The following MUC5B variants were observed in gnomAD, a reference collection of about 807,000 sequenced individuals.
MUC5B encodes the protein mucin-5B.
A neutral mutation model predicts 376.9 loss-of-function variants in MUC5B; 116 were observed. The observed-to-expected ratio is 0.31, with a 90% CI of 0.26 to 0.36. The LOEUF is 0.36. MUC5B is among the 10% of genes least tolerant of loss of function. The pLI is 1.00. For synonymous variants in MUC5B, 3,517 were observed against 3,390.9 expected (o/e 1.04, Z -1.29); for missense variants, 7,165 against 7,769.9 (o/e 0.92, Z 2.93).
chr11:1,260,787 C>T (rs894468991), intron 48 of MUC5B, 59 bp downstream of exon 48: 3 of 1,316,044 alleles, frequency 2.3e-6, no homozygotes, highest in African/African-American at 2.9e-5. Flanking sequence ...CCGCCCTGGC[C>T]CGTCAGCTGG....
intron 8 of MUC5B, 51 bp from the exon 9 acceptor site, chr11:1,229,119 C>T (rs1008490710): frequency 7.4e-6 from 11 of 1,488,956 alleles, no homozygotes; most frequent in South Asian, 2.6e-5. Flanking sequence ...GCTGACCACA[C>T]GGGCAGTACA....
rs749669057 is a variant in MUC5B at position 1,250,961 on chromosome 11, C to T, written c.14081C>T (p.Thr4694Ile). Residue 4694 changes from threonine (T) to isoleucine (I), a missense_variant, in exon 31 of 49, where the codon ACC (threonine) becomes ATC (isoleucine). Around this residue, in one of 31 missense-constraint regions of MUC5B, gnomAD observed 730 missense variants for 592.7 expected, o/e 1.23. Transcript: ENST00000529681. ...ACGATCACGGCCACCGGCTCCACCA[C>T]CAACCCCTCCTCAACTCCAGGGACA... The part of the protein sequence containing the change: ...ATTITATGST[T>I]NPSSTPGTTP... 6.2e-7 allele frequency: 1 copy of T among 1,610,912 alleles called. No homozygotes were observed. Among genetic ancestry groups the T allele is most frequent in the East Asian group, 2.2e-5 (1 of 44,830 alleles).
intron 6 of MUC5B, 38 bp from the exon 7 acceptor site, chr11:1,227,637 C>T (rs1177529182): frequency 9.9e-6 from 7 of 710,500 alleles, no homozygotes; most frequent in African/African-American, 1.8e-5. Context: ...CCCCAGGAGC[C>T]CCTCAGAGCC....
chr11:1,261,818 A>T lies in MUC5B; in HGVS notation c.*210A>T. ...CCCTTTCGGGAGGGCGCCACTCAGG[A>T]GTCCTACCCTGGGAGAGCCTGTGGC... is the stretch of plus-strand genomic sequence containing the variant. On this transcript the variant is annotated 3_prime_UTR_variant, in exon 49 of 49. Transcript: ENST00000529681. 1.4e-6 allele frequency: 1 copy of T among 701,332 alleles called. No individual in the cohort carries two copies. Among genetic ancestry groups the T allele is most frequent in the Non-Finnish European group, 2.6e-6 (1 of 385,724 alleles). The allele number at this position is 701,332 out of a possible 1,614,324, so 43.4% of individuals were successfully genotyped here.
chr11:1,232,323 C>G, intron 15 of MUC5B, 127 bp from the exon 16 acceptor site: 1 of 1,352,040 alleles, frequency 7.4e-7, no homozygotes, highest in Non-Finnish European at 1.0e-6. Flanking sequence ...CAGAACCCCC[C>G]AAGGCGCAGC....
chr11:1,258,068 C>A lies in MUC5B; in HGVS notation c.16451-31C>A. ...AGTGGTCGGGAGGAGGAGTGAGCAG[C>A]GCCCAGACAGTGGCCTCCATCCTCC... On this transcript the variant is annotated intron_variant, in intron 41 of 48. Coordinates refer to ENST00000529681, the MANE Select transcript of MUC5B (RefSeq NM_002458.3). The surrounding 1 kb of genome is among the most constrained non-coding windows in gnomAD (Gnocchi z 5.5). 3 of 1,537,788 alleles carry A rather than the reference C, an allele frequency of 2.0e-6. No individual in the cohort carries two copies. The highest frequency in any genetic ancestry group is 1.8e-6 in the Non-Finnish European group (2 of 1,135,398).
chr11:1,236,374 C>T lies in MUC5B; in HGVS notation c.2881-12C>T, dbSNP rs773897948. The T allele has an allele frequency of 1.9e-6, 3 of 1,596,246 alleles. No individual in the cohort carries two copies. Among genetic ancestry groups the T allele is most frequent in the South Asian group, 1.1e-5 (1 of 89,950 alleles). On this transcript the variant is annotated splice_polypyrimidine_tract_variant and intron_variant, in intron 23 of 48. Coordinates refer to ENST00000529681, the MANE Select transcript of MUC5B (RefSeq NM_002458.3). ...CAGGGTCGGCTTCCGGCAGCGTCTG[C>T]CTCCCCTGCAGAGCTACGAGCTGAT...
chr11:1,260,508 A>C (rs1270896042), intron 47 of MUC5B, 115 bp downstream of exon 47: 1 of 1,472,558 alleles, frequency 6.8e-7, no homozygotes, highest in Non-Finnish European at 9.4e-7. Flanking sequence ...TCCAGACTCC[A>C]CCCTCGGTCC....
chr11:1,236,573 GC>G lies in MUC5B; in HGVS notation c.3057+13del. The G allele has an allele frequency of 6.2e-7, 1 of 1,611,444 alleles. No homozygotes were observed. The highest frequency in any genetic ancestry group is 8.5e-7 in the Non-Finnish European group (1 of 1,179,224). On this transcript the variant is annotated intron_variant, in intron 24 of 48. Transcript: ENST00000529681. ...CACCAGGACTACAAGGTGAGCTCGG[GC>G]CGTGCACTCCTAGGCCCTGCAGGAC...
In MUC5B at chr11:1,252,945, C is replaced by A; in HGVS notation, c.15182C>A (p.Pro5061Gln). The change falls in exon 33 of 49, where the codon CCG (proline) becomes CAG (glutamine). Residue 5061 changes from proline to glutamine, a missense_variant. Physicochemically the swap from Pro to Gln is moderately conservative, Grantham distance 76. This residue lies in a region of MUC5B where 842 missense variants were observed against 1,016.9 expected (regional missense o/e 0.83). Transcript: ENST00000529681. ...NKHLPIKVSD[P>Q]SQPCDFHYEC... ...CACCTGCCCATCAAAGTGTCGGACC[C>A]GAGCCAGCCCTGTGACTTCCACTAT... The A allele has an allele frequency of 6.2e-7, 1 of 1,612,654 alleles. No individual in the cohort carries two copies. The highest frequency in any genetic ancestry group is 8.5e-7 in the Non-Finnish European group (1 of 1,179,858).
intron 18 of MUC5B, 148 bp from the exon 19 acceptor site, chr11:1,233,645 C>T (rs1862085592): frequency 3.9e-6 from 3 of 766,452 alleles, no homozygotes; most frequent in Non-Finnish European, 6.5e-6. Flanking sequence ...TGGGGGCTCC[C>T]AGCAAACACA....
In MUC5B at chr11:1,253,493, G is replaced by A. The variant is rs143540824; in HGVS notation, c.15217+513G>A. On this transcript the variant is annotated intron_variant, in intron 33 of 48. Coordinates refer to ENST00000529681, the MANE Select transcript of MUC5B (RefSeq NM_002458.3). This position sits in a 1 kb window ranked among gnomAD's most constrained non-coding sequence, Gnocchi z 4.3. ...GGACCCACCGCTAAGAGGTCACGGCGTTCTCACTCCTCCCCATGTCCTTGG... is the reference window on the plus strand; with the variant it reads ...GGACCCACCGCTAAGAGGTCACGGCATTCTCACTCCTCCCCATGTCCTTGG... Among the ~76,000 whole-genome samples the A allele has an allele frequency of 1.7e-3, 262 of 152,246 alleles. 2 individuals carry two copies. Among genetic ancestry groups the A allele is most frequent in the African/African-American group, 5.1e-3 (213 of 41,536 alleles).
chr11:1,258,248 G>T lies in MUC5B; in HGVS notation c.16555+45G>T. 2.5e-6 allele frequency: 4 copies of T among 1,576,336 alleles called. No homozygotes were observed. Among genetic ancestry groups the T allele is most frequent in the Non-Finnish European group, 3.4e-6 (4 of 1,161,062 alleles). On this transcript the variant is annotated intron_variant, in intron 42 of 48. Transcript: ENST00000529681. The surrounding 1 kb of genome is among the most constrained non-coding windows in gnomAD (Gnocchi z 5.5). The stretch of plus-strand genomic sequence containing the variant: ...GGCTCCTGGGTGGCCTCTTGCTGGG[G>T]GTGGGGGAGTGCAGGATGGTGGGGG...
rs766295230 is a variant in MUC5B at position 1,242,693 on chromosome 11, T to G, written c.5813T>G (p.Val1938Gly). ...CTGAGAACAGCTCCCCCTCCCAAAGTGCTGACCACCACGGCCACCACACCC... is the reference window on the plus strand; with the variant it reads ...CTGAGAACAGCTCCCCCTCCCAAAGGGCTGACCACCACGGCCACCACACCC... The part of the protein sequence containing the change: ...STLRTAPPPK[V>G]LTTTATTPTV... Residue 1938 changes from valine (V) to glycine (G), a missense_variant, in exon 31 of 49, where the codon GTG becomes GGG. Around this residue, in one of 31 missense-constraint regions of MUC5B, gnomAD observed 897 missense variants for 779.6 expected, o/e 1.15. Transcript: ENST00000529681. The G allele has an allele frequency of 2.5e-6, 4 of 1,613,124 alleles. No homozygotes were observed. In the African/African-American group the frequency reaches 4.0e-5, roughly 16 times the overall value.
In MUC5B at chr11:1,246,487, C is replaced by T. The variant is rs776012258; in HGVS notation, c.9607C>T (p.Pro3203Ser). The T allele has an allele frequency of 1.9e-6, 3 of 1,613,240 alleles. No individual in the cohort carries two copies. The Admixed American group carries it at 5.0e-5, about 27-fold the overall frequency. Reference protein sequence around the residue: ...LKVLTSTATTPTVISSRATPS... With the variant: ...LKVLTSTATTSTVISSRATPS... ...AGTGCTGACCAGCACGGCCACCACA[C>T]CCACAGTCATCAGCTCCAGAGCCAC... Residue 3203 changes from proline (P) to serine (S), a missense_variant, in exon 31 of 49, where the codon CCC becomes TCC. This residue lies in a region of MUC5B where 939 missense variants were observed against 770.6 expected (regional missense o/e 1.22). Transcript: ENST00000529681.
intron 12 of MUC5B, 150 bp downstream of exon 12, chr11:1,230,750 TC>T (rs1479803941): frequency 4.7e-6 from 3 of 633,062 alleles, no homozygotes; most frequent in Non-Finnish European, 7.0e-6. Context: ...CCAGGTCAGG[TC>T]CCCCCTCCAG....
At position 1,260,011 on chromosome 11, in the gene MUC5B, C is replaced by G; in HGVS notation, c.16849C>G (p.Leu5617Val). The G allele has an allele frequency of 6.2e-7, 1 of 1,612,930 alleles. No homozygotes were observed. The highest frequency in any genetic ancestry group is 1.7e-4 in the Middle Eastern group (1 of 6,058). Residue 5617 changes from leucine (L) to valine (V), a missense_variant, in exon 46 of 49, where the codon CTC becomes GTC. Around this residue, in one of 31 missense-constraint regions of MUC5B, gnomAD observed 842 missense variants for 1,016.9 expected, o/e 0.83. Coordinates refer to ENST00000529681, the MANE Select transcript of MUC5B (RefSeq NM_002458.3). ...NSHVDNCTVYLCEAEGGVHLL... is the reference protein window; with the variant it reads ...NSHVDNCTVYVCEAEGGVHLL... ...CCATGTGGACAACTGCACCGTGTACCTCTGTGAGGCTGAGGGTGGAGTCCA... is the reference window on the plus strand; with the variant it reads ...CCATGTGGACAACTGCACCGTGTACGTCTGTGAGGCTGAGGGTGGAGTCCA...
In MUC5B at chr11:1,251,588, C is replaced by G. The variant is rs894179187; in HGVS notation, c.14708C>G (p.Thr4903Ser). Reference sequence around the variant, plus strand: ...CCCAGCTCGTCCACCGTGGGGACCACCCGCACCCCTGCAGTGCTCCCCAGC... The same window carrying G: ...CCCAGCTCGTCCACCGTGGGGACCAGCCGCACCCCTGCAGTGCTCCCCAGC... ...TVPSSSTVGT[T>S]RTPAVLPSSL... The change falls in exon 31 of 49, where the codon ACC (threonine) becomes AGC (serine). Residue 4903 changes from threonine to serine, a missense_variant. Coordinates refer to ENST00000529681, the MANE Select transcript of MUC5B (RefSeq NM_002458.3). 9.9e-6 allele frequency: 16 copies of G among 1,612,898 alleles called. No individual in the cohort carries two copies. The highest frequency in any genetic ancestry group is 1.4e-5 in the Non-Finnish European group (16 of 1,179,812).
chr11:1,260,546 T>C, intron 47 of MUC5B, 80 bp from the exon 48 acceptor site: 1 of 1,478,698 alleles, frequency 6.8e-7, no homozygotes, highest in Non-Finnish European at 9.4e-7. Context: ...GGTGGTCCCA[T>C]GGGGAGGGTC....
Sources: gnomAD v4.1 joint callset for allele counts (sites outside exome capture counted in the v4.1 genomes callset) on GRCh38, gnomAD v4.1.1 for gene constraint, gnomAD v4.1.1 regional missense constraint, Gnocchi (gnomAD v3.1) non-coding constraint, MANE v1.5 for transcripts, NCBI Gene and HGNC (gene_info 2026-07-23, HGNC 2026-07-21) for gene names.